The following CDH11 variants were observed in gnomAD, a reference collection of about 807,000 sequenced individuals.
CDH11 encodes the protein cadherin 11.
CDH11 carries 11 observed loss-of-function variants against 67.8 expected under a neutral mutation model. The observed-to-expected ratio is 0.16, with a 90% CI of 0.10 to 0.27. CDH11 has a LOEUF of 0.27. Among genes scored for constraint, CDH11 ranks in the 10% least tolerant of loss-of-function variants. The probability of loss-of-function intolerance (pLI) is 1.00; values close to 1 mark genes in which losing one functional copy is unlikely to be tolerated. For synonymous variants in CDH11, 419 were observed against 400.0 expected (o/e 1.05, Z -0.57); for missense variants, 847 against 1,031.2 (o/e 0.82, Z 2.45).
At chr16:65,055,527 A>G (rs1333505872) in intron 1 of CDH11, among the ~76,000 whole-genome samples, 2 of 152,136 alleles carry the variant, frequency 1.3e-5, no homozygotes, top group East Asian at 3.9e-4. Context: ...TGTATTTTGG[A>G]AGCACATAAT....
intron 3 of CDH11, among the ~76,000 whole-genome samples, chr16:65,002,693 T>C (rs2072948299): frequency 1.3e-5 from 2 of 152,214 alleles, no homozygotes; most frequent in Non-Finnish European, 2.9e-5. Context: ...GCTGTTCTCA[T>C]GTAAAAGAAC....
At chr16:65,056,770 G>A (rs1303242917) in intron 1 of CDH11, among the ~76,000 whole-genome samples, 1 of 152,174 alleles carries the variant, frequency 6.6e-6, no homozygotes, top group East Asian at 1.9e-4. Context: ...TAATGAAGCT[G>A]TGACTGGGGC....
In CDH11 at chr16:65,053,886, G is replaced by C. The variant is rs1048556422; in HGVS notation, c.-255C>G. The stretch of plus-strand genomic sequence containing the variant: ...TTGGTCACTCAACAAATGACAACAC[G>C]AAGGAATGTCACAGGGCCGCTGAGC... On this transcript the variant is annotated 5_prime_UTR_variant, in exon 2 of 13. Coordinates refer to ENST00000268603, the MANE Select transcript of CDH11 (RefSeq NM_001797.4). 2.2e-6 allele frequency: 1 copy of C among 456,014 alleles called. No individual in the cohort carries two copies. Among genetic ancestry groups the C allele is most frequent in the East Asian group, 6.9e-5 (1 of 14,390 alleles). 28.2% of individuals were successfully genotyped at this position (456,014 alleles called of 1,614,324 possible).
At chr16:65,074,652 C>T (rs74026248) in intron 1 of CDH11, among the ~76,000 whole-genome samples, 10,192 of 151,992 alleles carry the variant, frequency 0.067, 614 homozygotes, top group African/African-American at 0.16. Flanking sequence ...CATATCTTCC[C>T]CCAGAATATG....
intron 2 of CDH11, among the ~76,000 whole-genome samples, chr16:65,025,651 T>C (rs1042141275): frequency 6.6e-6 from 1 of 152,226 alleles, no homozygotes; most frequent in Non-Finnish European, 1.5e-5. Context: ...GGGTGATTTT[T>C]AAAGTTCTGG....
At chr16:64,976,873 ACC>A (rs2072187991) in intron 8 of CDH11, among the ~76,000 whole-genome samples, 1 of 150,794 alleles carries the variant, frequency 6.6e-6, no homozygotes, top group South Asian at 2.1e-4. Context: ...CAACCAACCA[ACC>A]AACCAACCAA....
Position 64,971,948 on chromosome 16 carries a change from T to C in CDH11, c.1507A>G (p.Lys503Glu), listed in dbSNP as rs2072015611. Residue 503 changes from lysine (K) to glutamate (E), a missense_variant, in exon 10 of 13, where the codon AAG becomes GAG. This residue lies in a region of CDH11 where 612 missense variants were observed against 678.7 expected (regional missense o/e 0.90). Transcript: ENST00000268603. ...EGFICESDQT[K>E]PLSNQPIVTI... Reference sequence around the variant, plus strand: ...AGGATTACCTGGTTGGAAAGTGGCTTGGTCTGATCACTCTCACAGATGAAA... The same window carrying C: ...AGGATTACCTGGTTGGAAAGTGGCTCGGTCTGATCACTCTCACAGATGAAA... The C allele has an allele frequency of 6.2e-7, 1 of 1,613,920 alleles. No individual in the cohort carries two copies. Among genetic ancestry groups the C allele is most frequent in the Non-Finnish European group, 8.5e-7 (1 of 1,179,944 alleles).
chr16:65,093,287 G>A (rs1262519275), intron 1 of CDH11, among the ~76,000 whole-genome samples: 1 of 144,658 alleles, frequency 6.9e-6, no homozygotes, highest in Non-Finnish European at 1.5e-5. Flanking sequence ...TGCTGTACCT[G>A]TTCACTATTT....
At chr16:64,949,317 C>T (rs1597001742) in intron 12 of CDH11, among the ~76,000 whole-genome samples, 1 of 151,990 alleles carries the variant, frequency 6.6e-6, no homozygotes, top group East Asian at 1.9e-4. Context: ...TTCATTTATC[C>T]AAGCCTCTGT....
intron 1 of CDH11, among the ~76,000 whole-genome samples, chr16:65,089,842 G>C (rs2074765469): frequency 6.6e-6 from 1 of 152,136 alleles, no homozygotes; most frequent in Non-Finnish European, 1.5e-5. Flanking sequence ...CTAAGCATAT[G>C]CTGTGTTGCA....
chr16:64,982,961 T>C (rs1760077784), intron 7 of CDH11: 1 of 152,216 alleles, frequency 6.6e-6, no homozygotes, highest in Non-Finnish European at 1.5e-5. Flanking sequence ...AAGTAGAACA[T>C]CTCCGTTTTA....
chr16:65,104,929 T>A (rs1183788444), intron 1 of CDH11, among the ~76,000 whole-genome samples: 1 of 152,214 alleles, frequency 6.6e-6, no homozygotes, highest in Non-Finnish European at 1.5e-5. Context: ...ATTAAATATT[T>A]GGGGGAAATA....
At chr16:65,033,748 A>AAAATAAAAT (rs1329673013) in intron 2 of CDH11, among the ~76,000 whole-genome samples, 33 of 151,644 alleles carry the variant, frequency 2.2e-4, no homozygotes, top group Non-Finnish European at 4.3e-4. Context: ...AAAATAAAAT[A>AAAATAAAAT]AAATAAAATA....
intron 2 of CDH11, among the ~76,000 whole-genome samples, chr16:65,026,905 T>C (rs1361535225): frequency 6.6e-6 from 1 of 152,138 alleles, no homozygotes; most frequent in Non-Finnish European, 1.5e-5. Context: ...CAGGGAACTG[T>C]AGGAAGGCAG....
intron 2 of CDH11, among the ~76,000 whole-genome samples, chr16:65,009,253 CA>C (rs1456539443): frequency 1.3e-5 from 2 of 151,722 alleles, no homozygotes; most frequent in East Asian, 3.9e-4. Context: ...TTATCCAAAC[CA>C]AAAAGAAAGA....
intron 1 of CDH11, among the ~76,000 whole-genome samples, chr16:65,055,620 T>C (rs12443990): frequency 0.018 from 2,792 of 152,326 alleles, 111 homozygotes; most frequent in East Asian, 0.17. Context: ...ATACTGATTG[T>C]GTCTCAGAAT....
intron 2 of CDH11, among the ~76,000 whole-genome samples, chr16:65,039,391 C>T (rs957452798): frequency 6.6e-6 from 1 of 152,108 alleles, no homozygotes; most frequent in South Asian, 2.1e-4. Context: ...GAACAGAGCC[C>T]TCAGAAATAA....
At chr16:65,070,345 G>A (rs191212622) in intron 1 of CDH11, among the ~76,000 whole-genome samples, 140 of 152,238 alleles carry the variant, frequency 9.2e-4, no homozygotes, top group African/African-American at 3.2e-3. Flanking sequence ...GGAATGCAGG[G>A]AGCTGGTGAC....
chr16:65,024,920 C>G (rs780436983), intron 2 of CDH11, among the ~76,000 whole-genome samples: 16 of 152,330 alleles, frequency 1.1e-4, no homozygotes, highest in Non-Finnish European at 2.1e-4. Context: ...GAACAGATAG[C>G]TGAATTCCAC....
Sources: gnomAD v4.1 joint callset for allele counts (sites outside exome capture counted in the v4.1 genomes callset) on GRCh38, gnomAD v4.1.1 for gene constraint, gnomAD v4.1.1 regional missense constraint, MANE v1.5 for transcripts, NCBI Gene and HGNC (gene_info 2026-07-23, HGNC 2026-07-21) for gene names.